The following BOC variants were observed in gnomAD, a reference collection of about 807,000 sequenced individuals.
BOC encodes BOC cell adhesion associated, oncogene regulated.
Under a neutral mutation model 112.0 loss-of-function variants are expected in BOC, and 76 were observed. The ratio of observed to expected loss-of-function variants is 0.68; its 90% CI spans 0.56 to 0.82. The LOEUF (loss-of-function observed/expected upper bound fraction) is 0.82, where lower values mean the gene tolerates loss of function less well. Among genes scored for constraint, BOC ranks in the 40% least tolerant of loss-of-function variants. BOC has a pLI of 0.00. For missense variants in BOC, 1,309 were observed against 1,511.7 expected, an observed-to-expected ratio of 0.87 and a Z score of 2.22; for synonymous variants, 580 against 599.8, an observed-to-expected ratio of 0.97 and a Z score of 0.48.
chr3:113,250,574 C>G lies in BOC; in HGVS notation c.117C>G (p.Thr39=). The change falls in exon 4 of 20, where the codon ACC becomes ACG. Residue 39 remains threonine, a synonymous_variant. Transcript: ENST00000682979. ...CTCCAGACGAGGTCCCTCAGGTCAC[C>G]GTCCAGCCTGCGTCCACCGTCCAGA... ...FADLNEVPQV[T]VQPASTVQKP... The G allele has an allele frequency of 6.2e-7, 1 of 1,612,880 alleles. No homozygotes were observed. The highest frequency in any genetic ancestry group is 8.5e-7 in the Non-Finnish European group (1 of 1,179,336).
intron 2 of BOC, among the ~76,000 whole-genome samples, chr3:113,217,720 G>A (rs1000361532): frequency 6.6e-6 from 1 of 152,106 alleles, no homozygotes; most frequent in Non-Finnish European, 1.5e-5. Context: ...TGAATGGTAG[G>A]CCTAAGTATG....
At chr3:113,257,912 A>G (rs1467323552) in intron 4 of BOC, among the ~76,000 whole-genome samples, 2 of 152,238 alleles carry the variant, frequency 1.3e-5, no homozygotes, top group African/African-American at 4.8e-5. Flanking sequence ...AGAATTGGGA[A>G]CATTTAGAAT....
At chr3:113,284,882 C>T in intron 18 of BOC, 24 bp downstream of exon 18, 1 of 1,603,930 alleles carries the variant, frequency 6.2e-7, no homozygotes, top group East Asian at 2.2e-5. Flanking sequence ...TCCCCTTTCA[C>T]TCCCAAGCCC....
intron 4 of BOC, among the ~76,000 whole-genome samples, chr3:113,266,006 T>C (rs1947440345): frequency 6.6e-6 from 1 of 152,254 alleles, no homozygotes; most frequent in South Asian, 2.1e-4. Flanking sequence ...CAGGAATTTA[T>C]CGTTTAGTTA....
intron 4 of BOC, among the ~76,000 whole-genome samples, chr3:113,256,646 G>A (rs1946255609): frequency 6.6e-6 from 1 of 152,140 alleles, no homozygotes; most frequent in Non-Finnish European, 1.5e-5. Context: ...AACTAGAATA[G>A]TCCATAGTCC....
chr3:113,278,314 C>G lies in BOC; in HGVS notation c.1705+57C>G. 6.4e-7 allele frequency: 1 copy of G among 1,573,728 alleles called. No homozygotes were observed. Among genetic ancestry groups the G allele is most frequent in the Admixed American group, 1.7e-5 (1 of 58,630 alleles). On this transcript the variant is annotated intron_variant, in intron 10 of 19. Coordinates refer to ENST00000682979, the MANE Select transcript of BOC (RefSeq NM_001378074.1). This position sits in a 1 kb window ranked among gnomAD's most constrained non-coding sequence, Gnocchi z 4.2. ...TTTCCGTGGGTCTAAGCAAGTTCCA[C>G]TGGCCCAGGTGAGAATTCCTGCTCA...
At position 113,249,756 on chromosome 3, in the gene BOC, A is replaced by T; in HGVS notation, c.-47A>T. The T allele has an allele frequency of 6.6e-7, 1 of 1,512,758 alleles. No homozygotes were observed. The highest frequency in any genetic ancestry group is 1.9e-5 in the Admixed American group (1 of 52,082). The allele number at this position is 1,512,758 out of a possible 1,614,324, so 93.7% of individuals were successfully genotyped here. A position where few individuals can be genotyped will look rare whatever the true frequency, so the allele number is the denominator to read the frequency against. ...AGGGACGGCAGTATCTCTTTGTGTGACCCTGGCGGCTTATGGGACGTTGGC... is the reference window on the plus strand; with the variant it reads ...AGGGACGGCAGTATCTCTTTGTGTGTCCCTGGCGGCTTATGGGACGTTGGC... On this transcript the variant is annotated 5_prime_UTR_variant, in exon 3 of 20. Transcript: ENST00000682979.
At chr3:113,250,917 T>A (rs747985233) in intron 4 of BOC, 84 bp downstream of exon 4, 4 of 1,515,338 alleles carry the variant, frequency 2.6e-6, no homozygotes, top group Non-Finnish European at 3.6e-6. Flanking sequence ...TCATGCTGCC[T>A]CTTGTTACTC....
chr3:113,229,057 G>A (rs1277298362), intron 2 of BOC, among the ~76,000 whole-genome samples: 2 of 152,244 alleles, frequency 1.3e-5, no homozygotes, highest in East Asian at 3.8e-4. Flanking sequence ...GCAGCAGGCA[G>A]CTTCATTCCT....
intron 4 of BOC, among the ~76,000 whole-genome samples, chr3:113,260,973 A>G (rs556194209): frequency 2.0e-5 from 3 of 152,216 alleles, no homozygotes; most frequent in East Asian, 3.9e-4. Flanking sequence ...CCTGATGCCA[A>G]AAAGGTTGGG....
intron 18 of BOC, 91 bp downstream of exon 18, chr3:113,284,949 G>A: frequency 8.4e-7 from 1 of 1,185,604 alleles, no homozygotes. Flanking sequence ...TGAGAGCCAA[G>A]CAGTAGTGCT....
chr3:113,265,464 C>T (rs759707642), intron 4 of BOC, among the ~76,000 whole-genome samples: 59 of 152,180 alleles, frequency 3.9e-4, no homozygotes, highest in Non-Finnish European at 6.6e-4. Flanking sequence ...CCTGAGCTCA[C>T]AATCACTCAC....
chr3:113,228,654 G>C (rs1358476676), intron 2 of BOC, among the ~76,000 whole-genome samples: 1 of 152,140 alleles, frequency 6.6e-6, no homozygotes, highest in Non-Finnish European at 1.5e-5. Flanking sequence ...CCAAATGTTG[G>C]GGGAGTGGGG....
At chr3:113,224,068 C>T (rs560906128) in intron 2 of BOC, among the ~76,000 whole-genome samples, 2 of 152,346 alleles carry the variant, frequency 1.3e-5, no homozygotes, top group South Asian at 4.1e-4. Flanking sequence ...TTGCCTTCCT[C>T]CTCGATAGTT....
intron 13 of BOC, 36 bp from the exon 14 acceptor site, chr3:113,280,522 C>T: frequency 6.9e-7 from 1 of 1,439,428 alleles, no homozygotes; most frequent in Non-Finnish European, 9.8e-7. Flanking sequence ...GTTTTCTCTG[C>T]CCATTGTCAA....
At chr3:113,263,432 A>G (rs769310550) in intron 4 of BOC, among the ~76,000 whole-genome samples, 2 of 152,238 alleles carry the variant, frequency 1.3e-5, no homozygotes, top group Non-Finnish European at 2.9e-5. Context: ...TGGTAACTCC[A>G]TGAAGCATCC....
chr3:113,248,467 A>T (rs1945208185), intron 2 of BOC, among the ~76,000 whole-genome samples: 1 of 152,218 alleles, frequency 6.6e-6, no homozygotes. Context: ...AATGTATGTC[A>T]CACTCCTAGA....
At chr3:113,279,672 G>C in intron 12 of BOC, 152 bp from the exon 13 acceptor site, 1 of 894,176 alleles carries the variant, frequency 1.1e-6, no homozygotes, top group South Asian at 1.7e-5. Context: ...GCTCAGCTCT[G>C]ACAGTGGCGG....
chr3:113,277,828 G>A (rs1339110820), intron 9 of BOC, among the ~76,000 whole-genome samples: 1 of 152,224 alleles, frequency 6.6e-6, no homozygotes, highest in Non-Finnish European at 1.5e-5. Context: ...AGCAATATCA[G>A]TCAGGCTGTC....
Sources: allele counts gnomAD v4.1 joint callset (sites outside exome capture counted in the v4.1 genomes callset), GRCh38; gene constraint gnomAD v4.1.1; non-coding constraint Gnocchi (gnomAD v3.1); transcripts MANE v1.5; gene names NCBI Gene and HGNC (gene_info 2026-07-23, HGNC 2026-07-21).